Variants in DSTYK observed in about 807,000 individuals in gnomAD.
The protein encoded by DSTYK is RIP-homologous kinase.
In DSTYK, 34 loss-of-function variants were observed where a neutral mutation model predicts 98.7. The observed-to-expected ratio is 0.34, with a 90% CI of 0.26 to 0.46. DSTYK has a LOEUF of 0.46. Among genes scored for constraint, DSTYK ranks in the 20% least tolerant of loss-of-function variants. The probability of loss-of-function intolerance (pLI) is 1.00; values close to 1 mark genes in which losing one functional copy is unlikely to be tolerated. For missense variants in DSTYK, 962 were observed against 1,181.7 expected (o/e 0.81, Z 2.73); for synonymous variants, 462 against 457.3 (o/e 1.01, Z -0.13).
chr1:205,164,548 G>A (rs1025399532), intron 3 of DSTYK, among the ~76,000 whole-genome samples: 9 of 149,606 alleles, frequency 6.0e-5, no homozygotes, highest in East Asian at 5.9e-4. Context: ...TGCAAGCTCC[G>A]CCTCCCGAGT....
At position 205,169,894 on chromosome 1, in the gene DSTYK, A is replaced by G. The variant is rs1658007907; in HGVS notation, c.655-62T>C. The stretch of plus-strand genomic sequence containing the variant: ...GGTCAGAACCAATCCCTGTCTCCCC[A>G]AAGTCCCACACTGAGACCAAAATCC... On this transcript the variant is annotated intron_variant, in intron 2 of 12. Transcript: ENST00000367162. The surrounding 1 kb of genome is among the most constrained non-coding windows in gnomAD (Gnocchi z 4.0). 5 of 1,491,632 alleles carry G rather than the reference A, an allele frequency of 3.4e-6. No individual in the cohort carries two copies. The highest frequency in any genetic ancestry group is 1.4e-5 in the African/African-American group (1 of 71,820). 92.4% of individuals were successfully genotyped at this position (1,491,632 alleles called of 1,614,324 possible). A position where few individuals can be genotyped will look rare whatever the true frequency, so the allele number is the denominator to read the frequency against.
chr1:205,164,719 C>G (rs571774384), intron 3 of DSTYK, among the ~76,000 whole-genome samples: 1 of 152,264 alleles, frequency 6.6e-6, no homozygotes, highest in African/African-American at 2.4e-5. Context: ...CCTCGGCCTC[C>G]CAAAGTGCTG....
At chr1:205,155,388 G>T (rs1016218633) in intron 10 of DSTYK, among the ~76,000 whole-genome samples, 1 of 151,978 alleles carries the variant, frequency 6.6e-6, no homozygotes, top group Admixed American at 6.6e-5. Context: ...CTATTTTCTC[G>T]CTGGGTGCAG....
rs34595009 is a variant in DSTYK at position 205,151,693 on chromosome 1, C to CT, written c.2353-900dup. ...GTTGTCCAGGCTGGTTATAGGCTTT[C>CT]TTTTTTTTTTTTTTTAACTTTTAAA... On this transcript the variant is annotated intron_variant, in intron 10 of 12. Transcript: ENST00000367162. Among the ~76,000 whole-genome samples, 468 of 46,942 alleles carry CT rather than the reference C, an allele frequency of 1.0e-2. 2 individuals are homozygous for CT. Among genetic ancestry groups the CT allele is most frequent in the Middle Eastern group, 0.02 (1 of 50 alleles). The allele number at this position is 46,942 out of a possible 152,430, so 30.8% of individuals were successfully genotyped here.
At chr1:205,167,179 C>G (rs1657913657) in intron 3 of DSTYK, among the ~76,000 whole-genome samples, 1 of 152,102 alleles carries the variant, frequency 6.6e-6, no homozygotes, top group Admixed American at 6.6e-5. Context: ...GGGAGGATTG[C>G]TTGAGACCAG....
At position 205,148,254 on chromosome 1, in the gene DSTYK, T is replaced by C. The variant is rs1375016580; in HGVS notation, c.2553A>G (p.Ala851=). The stretch of plus-strand genomic sequence containing the variant: ...GGTCTTTGCTAGCACACCTCTCAAA[T>C]GCCTCAGGGAGCTTGACAGAGCCTG... The part of the protein sequence containing the change: ...ICSGSVKLPE[A]FERCASKDHL... The change falls in exon 12 of 13, where the codon GCA becomes GCG. Residue 851 remains alanine (A), a synonymous_variant. Coordinates refer to ENST00000367162, the MANE Select transcript of DSTYK (RefSeq NM_015375.3). The C allele has an allele frequency of 1.9e-6, 3 of 1,614,010 alleles. No individual in the cohort carries two copies. The highest frequency in any genetic ancestry group is 2.2e-5 in the East Asian group (1 of 44,884).
intron 10 of DSTYK, among the ~76,000 whole-genome samples, chr1:205,151,087 T>C (rs758084011): frequency 4.6e-5 from 7 of 152,222 alleles, no homozygotes; most frequent in Non-Finnish European, 8.8e-5. Flanking sequence ...GGTATTTGTG[T>C]ATCTAAACAT....
At position 205,144,259 on chromosome 1, in the gene DSTYK, G is replaced by C. The variant is rs1009805851; in HGVS notation, c.*3299C>G. The C allele has an allele frequency of 1.3e-5, 2 of 152,382 alleles. No individual in the cohort carries two copies. The highest frequency in any genetic ancestry group is 1.3e-4 in the Admixed American group (2 of 15,284). The allele number at this position is 152,382 out of a possible 1,614,324, so 9.4% of individuals were successfully genotyped here. A position where few individuals can be genotyped will look rare whatever the true frequency, so the allele number is the denominator to read the frequency against. On this transcript the variant is annotated 3_prime_UTR_variant, in exon 13 of 13. Coordinates refer to ENST00000367162, the MANE Select transcript of DSTYK (RefSeq NM_015375.3). ...CATCATTTTCATGTTGGGGTAAGCT[G>C]CCCTAATTATGTTGATTAGAAGGAC...
At chr1:205,203,807 T>C (rs1256923892) in intron 1 of DSTYK, among the ~76,000 whole-genome samples, 1 of 151,900 alleles carries the variant, frequency 6.6e-6, no homozygotes, top group African/African-American at 2.4e-5. Context: ...CCCCAGCTAC[T>C]TGGGAGGTTG....
At position 205,163,714 on chromosome 1, in the gene DSTYK, T is replaced by G. The variant is rs79995334; in HGVS notation, c.1557+9A>C. On this transcript the variant is annotated intron_variant, in intron 4 of 12. Coordinates refer to ENST00000367162, the MANE Select transcript of DSTYK (RefSeq NM_015375.3). ...TGACACGATGTCTTAAAAATCATTC[T>G]TTGTCTACCTGTTTGAGATAATTAC... 2,598 of 1,608,304 alleles carry G rather than the reference T, an allele frequency of 1.6e-3. 42 individuals carry two copies. The African/African-American group carries it at 0.031, about 19-fold the overall frequency.
intron 2 of DSTYK, among the ~76,000 whole-genome samples, chr1:205,174,622 G>A (rs1298870084): frequency 2.6e-5 from 4 of 151,262 alleles, no homozygotes; most frequent in Admixed American, 2.6e-4. Flanking sequence ...GGTGGAGGTT[G>A]CAGTGAGCTG....
intron 2 of DSTYK, among the ~76,000 whole-genome samples, chr1:205,170,870 G>C (rs1658039936): frequency 6.6e-6 from 1 of 151,980 alleles, no homozygotes; most frequent in African/African-American, 2.4e-5. Context: ...GTGACAGCTA[G>C]AACAGCAGCG....
intron 2 of DSTYK, among the ~76,000 whole-genome samples, chr1:205,179,338 C>T (rs377745945): frequency 7.3e-4 from 111 of 151,464 alleles, no homozygotes; most frequent in Admixed American, 2.8e-3. Context: ...AGACTAGATG[C>T]GGCCGGGCGT....
At chr1:205,211,156 G>A (rs1659361147) in intron 1 of DSTYK, 115 bp downstream of exon 1, 7 of 1,416,306 alleles carry the variant, frequency 4.9e-6, no homozygotes, top group East Asian at 2.6e-5. Context: ...CACACGACAC[G>A]ACTGCCCCTT....
intron 9 of DSTYK, among the ~76,000 whole-genome samples, chr1:205,158,006 G>A (rs1166450711): frequency 6.6e-6 from 1 of 152,076 alleles, no homozygotes; most frequent in African/African-American, 2.4e-5. Context: ...CTATTTCTAG[G>A]TCCCTCAGGA....
chr1:205,148,679 G>A (rs1440343531), intron 11 of DSTYK, among the ~76,000 whole-genome samples: 1 of 152,164 alleles, frequency 6.6e-6, no homozygotes, highest in Non-Finnish European at 1.5e-5. Flanking sequence ...AGGTGGGTAG[G>A]TATGTTGGAA....
intron 5 of DSTYK, 60 bp downstream of exon 5, chr1:205,162,863 C>CT: frequency 7.8e-7 from 1 of 1,285,504 alleles, no homozygotes; most frequent in East Asian, 2.3e-5. Flanking sequence ...ACTGGGGTCA[C>CT]TATGATTCAT....
chr1:205,198,585 C>T (rs542577419), intron 1 of DSTYK, among the ~76,000 whole-genome samples: 24 of 152,222 alleles, frequency 1.6e-4, no homozygotes, highest in African/African-American at 2.9e-4. Context: ...ATTCCTAAAA[C>T]GTAAACTCCA....
chr1:205,202,793 G>C, intron 1 of DSTYK: 1 of 584,440 alleles, frequency 1.7e-6, no homozygotes, highest in South Asian at 1.9e-5. Context: ...AAAAAGGAAA[G>C]AAAAGAAAGT....
Sources: allele counts gnomAD v4.1 joint callset (sites outside exome capture counted in the v4.1 genomes callset), GRCh38; gene constraint gnomAD v4.1.1; non-coding constraint Gnocchi (gnomAD v3.1); transcripts MANE v1.5; gene names NCBI Gene and HGNC (gene_info 2026-07-23, HGNC 2026-07-21).